PRIM2: variants seen among roughly 807,000 people sequenced by gnomAD.
PRIM2 encodes DNA primase subunit 2, also known as DNA primase large subunit.
Under a neutral mutation model 67.3 loss-of-function variants are expected in PRIM2, and 39 were observed. That is an observed-to-expected ratio of 0.58 (90% CI 0.45 to 0.76). The LOEUF is 0.76. Among genes scored for constraint, PRIM2 ranks in the 30% least tolerant of loss-of-function variants. PRIM2 has a pLI of 0.00. For synonymous variants in PRIM2, 143 were observed against 198.7 expected, an observed-to-expected ratio of 0.72 and a Z score of 2.36; for missense variants, 398 against 598.7, an observed-to-expected ratio of 0.66 and a Z score of 3.50.
chr6:57,320,923 A>C (rs1767634335), intron 3 of PRIM2, among the ~76,000 whole-genome samples: 1 of 152,206 alleles, frequency 6.6e-6, no homozygotes, highest in African/African-American at 2.4e-5. Flanking sequence ...TGCATGCTCC[A>C]GGAACTCCAA....
chr6:57,449,073 C>T (rs1483923625), intron 7 of PRIM2, among the ~76,000 whole-genome samples: 2 of 152,090 alleles, frequency 1.3e-5, no homozygotes, highest in Non-Finnish European at 2.9e-5. Context: ...AGCACTTTGC[C>T]TAACAACATT....
At chr6:57,462,579 T>G (rs1256748044) in intron 7 of PRIM2, among the ~76,000 whole-genome samples, 1 of 152,188 alleles carries the variant, frequency 6.6e-6, no homozygotes, top group East Asian at 1.9e-4. Flanking sequence ...TTTCTTAGTT[T>G]GGTTCTTTGT....
chr6:57,490,491 A>G (rs1277595234), intron 7 of PRIM2, among the ~76,000 whole-genome samples: 1 of 152,236 alleles, frequency 6.6e-6, no homozygotes, highest in East Asian at 1.9e-4. Flanking sequence ...AACAAAAGGA[A>G]TAGTATAGAC....
the PRIM2 span, among the ~76,000 whole-genome samples, chr6:57,226,166 A>G: frequency 6.6e-6 from 1 of 152,224 alleles, no homozygotes; most frequent in Non-Finnish European, 1.5e-5. Flanking sequence ...AGGGAGACCA[A>G]AAAAGAAAGT....
At chr6:57,265,239 A>G in the PRIM2 span, among the ~76,000 whole-genome samples, 1 of 152,230 alleles carries the variant, frequency 6.6e-6, no homozygotes, top group African/African-American at 2.4e-5. Flanking sequence ...GCAAATGATC[A>G]GGCCATTATG....
At chr6:57,266,359 G>A in the PRIM2 span, among the ~76,000 whole-genome samples, 16 of 152,022 alleles carry the variant, frequency 1.1e-4, no homozygotes, top group Non-Finnish European at 1.9e-4. Flanking sequence ...AAACCCAGAC[G>A]GCCTACAGAG....
At chr6:57,502,883 G>GT (rs1774168769) in intron 7 of PRIM2, among the ~76,000 whole-genome samples, 1 of 152,182 alleles carries the variant, frequency 6.6e-6, no homozygotes, top group Non-Finnish European at 1.5e-5. Context: ...ACATTGCAGG[G>GT]TAGTGCACTT....
At chr6:57,292,690 CT>C in the PRIM2 span, among the ~76,000 whole-genome samples, 1 of 152,282 alleles carries the variant, frequency 6.6e-6, no homozygotes, top group African/African-American at 2.4e-5. Context: ...CACCACACAT[CT>C]ACAGCCATCT....
chr6:57,492,476 G>A (rs1773917627), intron 7 of PRIM2, among the ~76,000 whole-genome samples: 1 of 151,782 alleles, frequency 6.6e-6, no homozygotes, highest in Non-Finnish European at 1.5e-5. Flanking sequence ...CCAGGAGGCG[G>A]AGGCTGCAGT....
chr6:57,621,493 T>C (rs1776854042), intron 12 of PRIM2, among the ~76,000 whole-genome samples: 1 of 152,146 alleles, frequency 6.6e-6, no homozygotes. Flanking sequence ...TTTTTCTCAT[T>C]ATTTGCTTAG....
At chr6:57,614,989 A>G (rs1776729900) in intron 12 of PRIM2, among the ~76,000 whole-genome samples, 1 of 152,232 alleles carries the variant, frequency 6.6e-6, no homozygotes, top group African/African-American at 2.4e-5. Context: ...ATCTATCAAT[A>G]GTTTCTGCCT....
chr6:57,275,716 G>A, the PRIM2 span, among the ~76,000 whole-genome samples: 21 of 152,222 alleles, frequency 1.4e-4, no homozygotes, highest in Middle Eastern at 3.4e-3. Context: ...CACAGCTGTC[G>A]TCTCCTGAGC....
At chr6:57,618,878 A>G (rs1776800799) in intron 12 of PRIM2, among the ~76,000 whole-genome samples, 2 of 149,066 alleles carry the variant, frequency 1.3e-5, no homozygotes, top group African/African-American at 2.5e-5. Flanking sequence ...TAATCTTGGG[A>G]ATTCTAGGGC....
At chr6:57,455,061 A>T (rs1227103314) in intron 7 of PRIM2, among the ~76,000 whole-genome samples, 1 of 152,044 alleles carries the variant, frequency 6.6e-6, no homozygotes, top group African/African-American at 2.4e-5. Context: ...GTCATTCAGG[A>T]GCAGGTTGTT....
intron 8 of PRIM2, among the ~76,000 whole-genome samples, chr6:57,523,524 C>T (rs1774674141): frequency 1.3e-5 from 2 of 152,178 alleles, no homozygotes; most frequent in African/African-American, 4.8e-5. Flanking sequence ...GTCAAATTTT[C>T]ATCAGTAGTC....
intron 11 of PRIM2, among the ~76,000 whole-genome samples, chr6:57,605,081 T>A (rs1776536335): frequency 6.6e-6 from 1 of 152,222 alleles, no homozygotes; most frequent in Admixed American, 6.5e-5. Context: ...TTTTATTGAT[T>A]TGCATATGTT....
At chr6:57,535,610 A>G (rs1234753491) in intron 9 of PRIM2, among the ~76,000 whole-genome samples, 13 of 152,316 alleles carry the variant, frequency 8.5e-5, no homozygotes, top group Admixed American at 2.6e-4. Flanking sequence ...GCCATCTGCA[A>G]TCCTAGCACT....
chr6:57,336,620 G>A (rs1406283988), intron 5 of PRIM2, among the ~76,000 whole-genome samples: 6 of 151,878 alleles, frequency 4.0e-5, no homozygotes, highest in Non-Finnish European at 7.4e-5. Context: ...AGCTTCATAA[G>A]TGAAGGAGAA....
Position 57,567,299 on chromosome 6 carries a change from T to A in PRIM2, c.1020+29674T>A, listed in dbSNP as rs1220906898. Among the ~76,000 whole-genome samples, 1,198 of 152,312 alleles carry A rather than the reference T, an allele frequency of 7.9e-3. 10 individuals carry two copies. Among genetic ancestry groups the A allele is most frequent in the Non-Finnish European group, 9.4e-3 (640 of 67,996 alleles). ...GACTTAAAATTTTTTTATTTTATGA[T>A]GTAAAACCATTCTGTTTTTCACTTT... On this transcript the variant is annotated intron_variant, in intron 10 of 13. Transcript: ENST00000615550.
Sources: allele counts gnomAD v4.1 joint callset (sites outside exome capture counted in the v4.1 genomes callset), GRCh38; gene constraint gnomAD v4.1.1; transcripts MANE v1.5; gene names NCBI Gene and HGNC (gene_info 2026-07-23, HGNC 2026-07-21).